ADD1: variants seen among roughly 807,000 people sequenced by gnomAD.
ADD1 encodes alpha-adducin.
In ADD1, 24 loss-of-function variants were observed where a neutral mutation model predicts 80.5. That is an observed-to-expected ratio of 0.30 (90% CI 0.22 to 0.42). The LOEUF (loss-of-function observed/expected upper bound fraction) is 0.42, where lower values mean the gene tolerates loss of function less well. ADD1 is among the 10% of genes least tolerant of loss of function. The pLI, the probability that ADD1 is intolerant of heterozygous loss-of-function variation, is 1.00. For missense variants in ADD1, 948 were observed against 1,019.0 expected (o/e 0.93, Z 0.95); for synonymous variants, 373 against 393.8 (o/e 0.95, Z 0.63).
At chr4:2,924,758 C>A (rs1353579988) in intron 14 of ADD1, among the ~76,000 whole-genome samples, 4 of 152,218 alleles carry the variant, frequency 2.6e-5, no homozygotes, top group Non-Finnish European at 2.9e-5. Flanking sequence ...CTGGTTGTCT[C>A]CCTCCAGTGA....
chr4:2,909,460 T>G (rs1338594716), intron 13 of ADD1, 29 bp downstream of exon 13: 2 of 1,515,456 alleles, frequency 1.3e-6, no homozygotes, highest in Non-Finnish European at 1.8e-6. Context: ...TCACTACCTG[T>G]CTATGCGCCT....
chr4:2,904,878 G>C lies in ADD1; in HGVS notation c.1276G>C (p.Asp426His), dbSNP rs1210705938. 1.2e-6 allele frequency: 2 copies of C among 1,614,202 alleles called. No homozygotes were observed. Among genetic ancestry groups the C allele is most frequent in the Non-Finnish European group, 1.7e-6 (2 of 1,180,036 alleles). ...VTGYSFASDG[D>H]SGTCSPLRHS... ...AGGTTACTCCTTTGCTAGTGACGGT[G>C]ATTCGGGCACTTGCTCCCCACTCAG... Residue 426 changes from aspartate to histidine, a missense_variant, in exon 10 of 16, where the codon GAT becomes CAT. Physicochemically the swap from Asp to His is moderately conservative, Grantham distance 81 (BLOSUM62 -1). Coordinates refer to ENST00000683351, the MANE Select transcript of ADD1 (RefSeq NM_001354761.2).
At chr4:2,908,253 T>A (rs1333263886) in intron 11 of ADD1, among the ~76,000 whole-genome samples, 1 of 152,206 alleles carries the variant, frequency 6.6e-6, no homozygotes, top group Non-Finnish European at 1.5e-5. Flanking sequence ...CCCAAGTTAA[T>A]GACAGTGAGA....
At chr4:2,887,470 C>G (rs1733574826) in intron 4 of ADD1, 2 of 128,402 alleles carry the variant, frequency 1.6e-5, no homozygotes, top group African/African-American at 5.9e-5. Flanking sequence ...GGGAGGGGGA[C>G]AAGACGGGGT....
chr4:2,892,867 T>A (rs1325385751), intron 4 of ADD1, among the ~76,000 whole-genome samples: 1 of 151,354 alleles, frequency 6.6e-6, no homozygotes, highest in Non-Finnish European at 1.5e-5. Context: ...AAAAAACAGA[T>A]CAAGTAGTAA....
Position 2,875,940 on chromosome 4 carries a change from G to T in ADD1, c.25G>T (p.Val9Leu), listed in dbSNP as rs191878690. ...AATGAATGGTGATTCTCGTGCTGCG[G>T]TGGTGACCTCACCACCCCCGACCAC... MNGDSRAA[V>L]VTSPPPTTAP... Residue 9 changes from valine to leucine, a missense_variant, in exon 2 of 16, where the codon GTG becomes TTG. Val to Leu is a conservative substitution (Grantham distance 32). Coordinates refer to ENST00000683351, the MANE Select transcript of ADD1 (RefSeq NM_001354761.2). The T allele has an allele frequency of 3.1e-6, 5 of 1,609,986 alleles. No individual in the cohort carries two copies. In the Admixed American group the frequency reaches 8.5e-5, roughly 27 times the overall value.
chr4:2,928,032 T>C, intron 15 of ADD1, 139 bp from the exon 16 acceptor site: 1 of 767,188 alleles, frequency 1.3e-6, no homozygotes, highest in Non-Finnish European at 2.2e-6. Context: ...GAGTAGACCA[T>C]ATTTTAAGTT....
chr4:2,928,744 TGG>T lies in ADD1; in HGVS notation c.*225_*226del, dbSNP rs1712451224. ...CTTGTCCTCTCAGAGCCTCAGCTTCTGGGGGAGACATGCTCTCCCCACAGGGG... is the reference window on the plus strand; with the variant it reads ...CTTGTCCTCTCAGAGCCTCAGCTTCTGGGAGACATGCTCTCCCCACAGGGG... On this transcript the variant is annotated 3_prime_UTR_variant, in exon 16 of 16. Transcript: ENST00000683351. 1.9e-6 allele frequency: 1 copy of T among 532,444 alleles called. No homozygotes were observed. Among genetic ancestry groups the T allele is most frequent in the African/African-American group, 2.0e-5 (1 of 49,434 alleles). 33.0% of individuals were successfully genotyped at this position (532,444 alleles called of 1,614,324 possible).
chr4:2,903,164 C>A (rs1394899205), intron 9 of ADD1, among the ~76,000 whole-genome samples: 2 of 152,166 alleles, frequency 1.3e-5, no homozygotes. Context: ...AGTACCACAG[C>A]CAGCAGGGCA....
chr4:2,927,183 C>CTA (rs1711883799), intron 15 of ADD1, among the ~76,000 whole-genome samples: 1 of 152,246 alleles, frequency 6.6e-6, no homozygotes, highest in Admixed American at 6.5e-5. Flanking sequence ...GGGCAGCCTC[C>CTA]GTCCTAGCAT....
At chr4:2,887,507 T>G (rs1733585002) in intron 4 of ADD1, 1 of 152,144 alleles carries the variant, frequency 6.6e-6, no homozygotes, top group Non-Finnish European at 1.5e-5. Context: ...TGGACTGGGC[T>G]TCCTCTCTCG....
chr4:2,926,960 T>C lies in ADD1; in HGVS notation c.2047+848T>C, dbSNP rs1711819989. ...GCCTTTGAGGGTCTCTTTGGATTGC[T>C]TGGTGGGAGGGTTTTGCCACACTGG... On this transcript the variant is annotated intron_variant, in intron 15 of 15. Transcript: ENST00000683351. This position sits in a 1 kb window ranked among gnomAD's most constrained non-coding sequence, Gnocchi z 5.0. Among the ~76,000 whole-genome samples, 1 of 152,162 alleles carries C rather than the reference T, an allele frequency of 6.6e-6. No homozygotes were observed. Among genetic ancestry groups the C allele is most frequent in the Non-Finnish European group, 1.5e-5 (1 of 68,024 alleles).
chr4:2,914,145 G>A (rs1738572201), intron 13 of ADD1, among the ~76,000 whole-genome samples: 1 of 151,988 alleles, frequency 6.6e-6, no homozygotes, highest in Admixed American at 6.6e-5. Context: ...TGGGCACAGC[G>A]CTGTGCTGGG....
chr4:2,917,248 C>A (rs3021131), intron 14 of ADD1, among the ~76,000 whole-genome samples: 38,360 of 152,112 alleles, frequency 0.25, 5,175 homozygotes, highest in Non-Finnish European at 0.28. Context: ...GAGATGGTAT[C>A]TCATTGTGGT....
At chr4:2,878,099 T>C (rs1260795640) in intron 2 of ADD1, among the ~76,000 whole-genome samples, 2 of 151,118 alleles carry the variant, frequency 1.3e-5, no homozygotes, top group Non-Finnish European at 3.0e-5. Flanking sequence ...CAGAGTGAGG[T>C]TGGAGAGAGA....
At position 2,894,692 on chromosome 4, in the gene ADD1, G is replaced by T. The variant is rs112813723; in HGVS notation, c.702G>T (p.Val234=). Residue 234 remains valine, a synonymous_variant, in exon 6 of 16, where the codon GTG becomes GTT. Coordinates refer to ENST00000683351, the MANE Select transcript of ADD1 (RefSeq NM_001354761.2). ...HSAIYAARPD[V]KCVVHIHTPA... is the part of the protein sequence containing the mutation. ...CAATTTATGCTGCACGCCCGGACGT[G>T]AAGTGCGTCGTGCACATTCACACCC... The T allele has an allele frequency of 1.0e-5, 16 of 1,601,102 alleles. No individual in the cohort carries two copies. The highest frequency in any genetic ancestry group is 1.3e-5 in the Non-Finnish European group (15 of 1,176,640).
At chr4:2,898,683 C>A in intron 8 of ADD1, 152 bp downstream of exon 8, 1 of 678,560 alleles carries the variant, frequency 1.5e-6, no homozygotes, top group Admixed American at 2.6e-5. Flanking sequence ...TTGATCAGGA[C>A]AAATGCTGTT....
rs774472298 is a variant in ADD1 at position 2,885,838 on chromosome 4, CT to C, written c.510+1173del. Among the ~76,000 whole-genome samples the C allele has an allele frequency of 1.6e-4, 24 of 152,188 alleles. No homozygotes were observed. The East Asian group carries it at 4.1e-3, about 26-fold the overall frequency. On this transcript the variant is annotated intron_variant, in intron 4 of 15. Coordinates refer to ENST00000683351, the MANE Select transcript of ADD1 (RefSeq NM_001354761.2). The stretch of plus-strand genomic sequence containing the variant: ...TGTTAGCCAGGATGGTCTCGATCTC[CT>C]GACCTTGTGATCCGCCCGCCTTGGC...
intron 13 of ADD1, among the ~76,000 whole-genome samples, chr4:2,911,613 C>T (rs1738071660): frequency 2.6e-5 from 4 of 151,768 alleles, no homozygotes; most frequent in Admixed American, 2.6e-4. Flanking sequence ...ATCACCACAC[C>T]TGGCTAAATT....
Sources: allele counts gnomAD v4.1 joint callset (sites outside exome capture counted in the v4.1 genomes callset), GRCh38; gene constraint gnomAD v4.1.1; non-coding constraint Gnocchi (gnomAD v3.1); transcripts MANE v1.5; gene names NCBI Gene and HGNC (gene_info 2026-07-23, HGNC 2026-07-21).